The following TBC1D1 variants were observed in gnomAD, a reference collection of about 807,000 sequenced individuals.
TBC1D1 encodes TBC1 domain family member 1.
Under a neutral mutation model 125.6 loss-of-function variants are expected in TBC1D1, and 89 were observed. The ratio of observed to expected loss-of-function variants is 0.71; its 90% CI spans 0.60 to 0.85. The LOEUF (loss-of-function observed/expected upper bound fraction) is 0.85, where lower values mean the gene tolerates loss of function less well. TBC1D1 is among the 40% of genes least tolerant of loss of function. The probability of loss-of-function intolerance (pLI) is 0.00; values close to 1 mark genes in which losing one functional copy is unlikely to be tolerated. For synonymous variants in TBC1D1, 565 were observed against 564.1 expected (o/e 1.00, Z -0.02); for missense variants, 1,377 against 1,469.2 (o/e 0.94, Z 1.03).
At chr4:38,089,459 A>G (rs1435268478) in intron 12 of TBC1D1, among the ~76,000 whole-genome samples, 6 of 152,180 alleles carry the variant, frequency 3.9e-5, no homozygotes, top group Admixed American at 3.9e-4. Flanking sequence ...CTTCCTAGCT[A>G]TGTGACATTA....
chr4:38,032,804 C>A (rs1043227966), intron 7 of TBC1D1, among the ~76,000 whole-genome samples: 1 of 147,048 alleles, frequency 6.8e-6, no homozygotes, highest in Non-Finnish European at 1.5e-5. Flanking sequence ...CACTGCACTC[C>A]AGCTCCAGCC....
chr4:38,015,466 T>G, intron 3 of TBC1D1, among the ~76,000 whole-genome samples: 1 of 146,460 alleles, frequency 6.8e-6, no homozygotes, highest in East Asian at 2.0e-4. Flanking sequence ...CTTGCTTGCT[T>G]TTTTTTTTTT....
At chr4:38,040,706 G>A (rs1386028123) in intron 8 of TBC1D1, among the ~76,000 whole-genome samples, 1 of 152,230 alleles carries the variant, frequency 6.6e-6, no homozygotes, top group Non-Finnish European at 1.5e-5. Flanking sequence ...GTTGAAGGCA[G>A]GCCCCTGGGA....
At chr4:37,934,289 C>T (rs1723919291) in intron 2 of TBC1D1, among the ~76,000 whole-genome samples, 1 of 152,186 alleles carries the variant, frequency 6.6e-6, no homozygotes, top group South Asian at 2.1e-4. Context: ...TCAGAATGGG[C>T]ATGGACCGCC....
intron 15 of TBC1D1, among the ~76,000 whole-genome samples, chr4:38,107,808 G>A (rs577085443): frequency 7.2e-5 from 11 of 152,068 alleles, no homozygotes; most frequent in Non-Finnish European, 1.5e-4. Flanking sequence ...GAGTTACTCA[G>A]TGCCAGAAGG....
intron 16 of TBC1D1, among the ~76,000 whole-genome samples, chr4:38,117,459 C>A (rs1471279520): frequency 6.6e-6 from 1 of 152,176 alleles, no homozygotes; most frequent in African/African-American, 2.4e-5. Flanking sequence ...TTTATTTCAT[C>A]TTAAGATGCA....
chr4:37,894,366 A>G (rs1425855244), intron 1 of TBC1D1, among the ~76,000 whole-genome samples: 2 of 152,178 alleles, frequency 1.3e-5, no homozygotes, highest in Non-Finnish European at 2.9e-5. Context: ...TTCAGATTTC[A>G]GATGTTTAGA....
intron 14 of TBC1D1, among the ~76,000 whole-genome samples, chr4:38,099,267 T>C (rs71606104): frequency 0.21 from 31,764 of 152,188 alleles, 3,663 homozygotes; most frequent in East Asian, 0.49. Context: ...TCCTTGAAAA[T>C]GACACCATAA....
Position 37,934,142 on chromosome 4 carries a change from G to A in TBC1D1, c.417+31630G>A, listed in dbSNP as rs1036854485. On this transcript the variant is annotated intron_variant, in intron 2 of 19. Transcript: ENST00000261439. ...GGCCATAGTCATCCAGTGTGTTATG[G>A]TCCAAATGCTGAGGCTGAGGCTAGG... is the stretch of plus-strand genomic sequence containing the variant. Among the ~76,000 whole-genome samples, 15 of 152,196 alleles carry A rather than the reference G, an allele frequency of 9.9e-5. 1 individual carries two copies. The highest frequency in any genetic ancestry group is 9.8e-4 in the Admixed American group (15 of 15,278).
At chr4:37,972,672 G>T (rs1009576352) in intron 2 of TBC1D1, among the ~76,000 whole-genome samples, 6 of 151,888 alleles carry the variant, frequency 4.0e-5, no homozygotes, top group African/African-American at 1.5e-4. Context: ...TTGGGAAGCC[G>T]AGGCGGGCGG....
chr4:38,052,298 A>G (rs1475251881), intron 11 of TBC1D1, among the ~76,000 whole-genome samples: 1 of 150,458 alleles, frequency 6.6e-6, no homozygotes, highest in Non-Finnish European at 1.5e-5. Flanking sequence ...TATTATGAAA[A>G]CAGATCTTAA....
intron 15 of TBC1D1, among the ~76,000 whole-genome samples, chr4:38,115,065 G>A (rs1414005988): frequency 3.3e-5 from 5 of 150,034 alleles, no homozygotes; most frequent in Admixed American, 1.3e-4. Flanking sequence ...GAGAATAGGG[G>A]TTATGTCTAG....
chr4:38,051,911 AC>A, intron 11 of TBC1D1: 1 of 1,547,904 alleles, frequency 6.5e-7, no homozygotes, highest in Non-Finnish European at 8.7e-7. Context: ...TGGATCCTTC[AC>A]CTGTGGGTGA....
At chr4:38,132,599 A>C (rs538022726) in intron 18 of TBC1D1, 1 of 166,114 alleles carries the variant, frequency 6.0e-6, no homozygotes, top group Non-Finnish European at 1.5e-5. Context: ...AAACAGTCCC[A>C]TTACTTAGCT....
chr4:37,992,865 C>T (rs756586306), intron 2 of TBC1D1, among the ~76,000 whole-genome samples: 43 of 146,426 alleles, frequency 2.9e-4, no homozygotes, highest in African/African-American at 7.6e-4. Flanking sequence ...AGTGCAGTGG[C>T]GCGATCTCAG....
At position 38,103,111 on chromosome 4, in the gene TBC1D1, C is replaced by G; in HGVS notation, c.2511C>G (p.Leu837=). The G allele has an allele frequency of 6.2e-7, 1 of 1,614,004 alleles. No homozygotes were observed. The highest frequency in any genetic ancestry group is 8.5e-7 in the Non-Finnish European group (1 of 1,179,980). ...CAAAGGATGTGCCATACAAAGAACT[C>G]TTAAAGCAGCTGACTTCCCAGCAGC... The change falls in exon 15 of 20, where the codon CTC becomes CTG. Residue 837 remains leucine, a synonymous_variant. Coordinates refer to ENST00000261439, the MANE Select transcript of TBC1D1 (RefSeq NM_015173.4).
intron 3 of TBC1D1, among the ~76,000 whole-genome samples, chr4:38,016,818 G>A (rs1475489880): frequency 6.6e-6 from 1 of 152,190 alleles, no homozygotes; most frequent in Non-Finnish European, 1.5e-5. Flanking sequence ...CTTGGTCAGG[G>A]TTTTGTTTTT....
chr4:38,073,872 T>C (rs1755126436), intron 12 of TBC1D1, among the ~76,000 whole-genome samples: 1 of 152,216 alleles, frequency 6.6e-6, no homozygotes, highest in South Asian at 2.1e-4. Flanking sequence ...CCTCCATGAA[T>C]GGCAGCCATT....
At chr4:38,057,863 G>T (rs763355102) in intron 12 of TBC1D1, among the ~76,000 whole-genome samples, 7 of 152,166 alleles carry the variant, frequency 4.6e-5, no homozygotes, top group Non-Finnish European at 7.3e-5. Context: ...TGAGCTCGCG[G>T]GTCTGAGCTC....
Sources: allele counts gnomAD v4.1 joint callset (sites outside exome capture counted in the v4.1 genomes callset), GRCh38; gene constraint gnomAD v4.1.1; transcripts MANE v1.5; gene names NCBI Gene and HGNC (gene_info 2026-07-23, HGNC 2026-07-21).